The following INVS variants were observed in gnomAD, a reference collection of about 807,000 sequenced individuals.
INVS encodes inversin, also known as inversion of embryo turning homolog.
Under a neutral mutation model 108.8 loss-of-function variants are expected in INVS, and 86 were observed. That is an observed-to-expected ratio of 0.79 (90% CI 0.66 to 0.95). INVS has a LOEUF of 0.95. Ranked by LOEUF, INVS falls within the 40% of genes least tolerant of loss-of-function variation. The pLI, the probability that INVS is intolerant of heterozygous loss-of-function variation, is 0.00. For synonymous variants in INVS, 455 were observed against 473.5 expected, an observed-to-expected ratio of 0.96 and a Z score of 0.51; for missense variants, 1,169 against 1,297.4, an observed-to-expected ratio of 0.90 and a Z score of 1.52.
In INVS at chr9:100,284,623, C is replaced by A; in HGVS notation, c.2068+20C>A. On this transcript the variant is annotated intron_variant, in intron 13 of 16. Transcript: ENST00000262457. ...CAAATGGTAGGTGTATTGCCTTTGTCATCTTCTGCCGGCCCATGGACTGTG... is the reference window on the plus strand; with the variant it reads ...CAAATGGTAGGTGTATTGCCTTTGTAATCTTCTGCCGGCCCATGGACTGTG... 6.2e-7 allele frequency: 1 copy of A among 1,609,782 alleles called. No individual in the cohort carries two copies. Among genetic ancestry groups the A allele is most frequent in the South Asian group, 1.1e-5 (1 of 90,350 alleles).
chr9:100,268,390 AGTCTGG>A (rs923421932), intron 11 of INVS, among the ~76,000 whole-genome samples: 25 of 152,322 alleles, frequency 1.6e-4, no homozygotes, highest in Middle Eastern at 3.4e-3. Context: ...GACTCTCTCA[AGTCTGG>A]GTCTGTTTAG....
chr9:100,116,002 A>G (rs1346286600), intron 2 of INVS, among the ~76,000 whole-genome samples: 1 of 152,028 alleles, frequency 6.6e-6, no homozygotes, highest in Non-Finnish European at 1.5e-5. Context: ...CTGGTGTGAG[A>G]TGATATCTCA....
At chr9:100,114,156 T>G (rs192762247) in intron 2 of INVS, among the ~76,000 whole-genome samples, 1 of 152,192 alleles carries the variant, frequency 6.6e-6, no homozygotes, top group Admixed American at 6.5e-5. Flanking sequence ...TACAGTTATT[T>G]AATTTTGAGA....
Position 100,132,962 on chromosome 9 carries a change from G to A in INVS, c.273+6413G>A, listed in dbSNP as rs373263848. On this transcript the variant is annotated intron_variant, in intron 3 of 16. Coordinates refer to ENST00000262457, the MANE Select transcript of INVS (RefSeq NM_014425.5). ...TCTACTAAAAATACAAAACTTAGCT[G>A]GGCGTGATGGTGCGTGCCTATAATC... Among the ~76,000 whole-genome samples the A allele has an allele frequency of 1.0e-3, 154 of 152,078 alleles. 4 individuals are homozygous for A. In the South Asian group the frequency reaches 0.03, roughly 30 times the overall value.
intron 7 of INVS, 29 bp downstream of exon 7, chr9:100,242,708 T>G: frequency 7.8e-7 from 1 of 1,277,688 alleles, no homozygotes; most frequent in East Asian, 2.3e-5. Context: ...TGCTCTTTTT[T>G]CTTAGTGAAA....
chr9:100,284,489 G>C lies in INVS; in HGVS notation c.1954G>C (p.Gly652Arg). Residue 652 changes from glycine (G) to arginine (R), a missense_variant, in exon 13 of 17, where the codon GGC becomes CGC. Around this residue, in one of 3 missense-constraint regions of INVS, gnomAD observed 533 missense variants for 536.0 expected, o/e 0.99. Transcript: ENST00000262457. ...KQPPAGNVAQ[G>R]PEPRDSRGSP... ...GCCTCCTGCTGGCAACGTGGCCCAA[G>C]GCCCTGAGCCAAGAGACAGCAGAGG... The C allele has an allele frequency of 6.2e-7, 1 of 1,614,146 alleles. No homozygotes were observed. The highest frequency in any genetic ancestry group is 1.1e-5 in the South Asian group (1 of 91,082).
chr9:100,208,401 T>G (rs903504245), intron 3 of INVS, among the ~76,000 whole-genome samples: 4 of 152,138 alleles, frequency 2.6e-5, no homozygotes, highest in Admixed American at 2.0e-4. Context: ...TCATTAAAGG[T>G]TTTTTAGTAT....
At chr9:100,155,210 CAAAA>C (rs1238068161) in intron 3 of INVS, among the ~76,000 whole-genome samples, 1 of 82,230 alleles carries the variant, frequency 1.2e-5, no homozygotes. Flanking sequence ...GACTCCATCT[CAAAA>C]AAAAAAAAAA....
intron 3 of INVS, among the ~76,000 whole-genome samples, chr9:100,143,432 TG>T (rs1233744666): frequency 6.6e-6 from 1 of 151,934 alleles, no homozygotes; most frequent in Non-Finnish European, 1.5e-5. Context: ...TGCTGTGGGA[TG>T]GGATATTGAC....
chr9:100,138,738 G>A lies in INVS; in HGVS notation c.273+12189G>A, dbSNP rs916999371. Among the ~76,000 whole-genome samples, 8 of 122,290 alleles carry A rather than the reference G, an allele frequency of 6.5e-5. No homozygotes were observed. In the East Asian group the frequency reaches 8.1e-4, roughly 12 times the overall value. 80.2% of individuals were successfully genotyped at this position (122,290 alleles called of 152,430 possible). On this transcript the variant is annotated intron_variant, in intron 3 of 16. Coordinates refer to ENST00000262457, the MANE Select transcript of INVS (RefSeq NM_014425.5). ...TTTTTTCCTTTCAAGAGAGAGTCTC[G>A]CTCTGTCACCCAGGCTGGAGTGCAG...
At chr9:100,284,759 GTTCT>G (rs1395567479) in intron 13 of INVS, among the ~76,000 whole-genome samples, 156 bp downstream of exon 13, 1 of 152,106 alleles carries the variant, frequency 6.6e-6, no homozygotes, top group Non-Finnish European at 1.5e-5. Flanking sequence ...CTGGTTCTCA[GTTCT>G]TTTTCTTTTT....
intron 6 of INVS, among the ~76,000 whole-genome samples, chr9:100,242,231 A>T (rs1277380395): frequency 2.0e-5 from 3 of 152,144 alleles, no homozygotes; most frequent in Non-Finnish European, 2.9e-5. Context: ...CTTGGCTCTA[A>T]AGCACCTTCC....
In INVS at chr9:100,296,901, C is replaced by CCT. The variant is rs774618307; in HGVS notation, c.2787-13_2787-12dup. The CCT allele has an allele frequency of 5.0e-6, 8 of 1,608,282 alleles. No individual in the cohort carries two copies. Among genetic ancestry groups the CCT allele is most frequent in the Non-Finnish European group, 6.0e-6 (7 of 1,174,986 alleles). ...ACTGTGATCTTAAAGCCTCTCCTCT[C>CCT]CTCTGACCCAACCAGCTACCAGCTC... On this transcript the variant is annotated splice_polypyrimidine_tract_variant and intron_variant, in intron 14 of 16. Coordinates refer to ENST00000262457, the MANE Select transcript of INVS (RefSeq NM_014425.5).
chr9:100,163,456 C>G (rs764980073), intron 3 of INVS, among the ~76,000 whole-genome samples: 2 of 152,050 alleles, frequency 1.3e-5, no homozygotes, highest in Non-Finnish European at 2.9e-5. Flanking sequence ...AGGTACTGCT[C>G]TATATATGTG....
chr9:100,211,771 C>T (rs1379834242), intron 3 of INVS, among the ~76,000 whole-genome samples: 1 of 152,208 alleles, frequency 6.6e-6, no homozygotes, highest in Non-Finnish European at 1.5e-5. Context: ...TGTCTAGCTG[C>T]TCTGCCAGAT....
At chr9:100,104,009 C>G (rs1827094039) in intron 1 of INVS, among the ~76,000 whole-genome samples, 2 of 151,972 alleles carry the variant, frequency 1.3e-5, no homozygotes, top group South Asian at 4.2e-4. Context: ...CTTGTATTAA[C>G]TTAGATTATG....
chr9:100,154,449 T>C (rs1003444373), intron 3 of INVS, among the ~76,000 whole-genome samples: 5 of 148,980 alleles, frequency 3.4e-5, no homozygotes, highest in Non-Finnish European at 7.4e-5. Context: ...AGTGCTGGGA[T>C]TACAGGTGTG....
intron 3 of INVS, among the ~76,000 whole-genome samples, chr9:100,169,883 T>C (rs953206935): frequency 1.3e-5 from 2 of 152,204 alleles, no homozygotes; most frequent in Non-Finnish European, 2.9e-5. Context: ...GAACTAAATG[T>C]GTGTACAAAA....
chr9:100,104,462 T>G (rs1408411846), intron 1 of INVS, 36 bp from the exon 2 acceptor site: 1 of 1,139,762 alleles, frequency 8.8e-7, no homozygotes, highest in African/African-American at 1.5e-5. Context: ...CAGAAATGTT[T>G]GCTGCATGCG....
Sources: gnomAD v4.1 joint callset for allele counts (sites outside exome capture counted in the v4.1 genomes callset) on GRCh38, gnomAD v4.1.1 for gene constraint, gnomAD v4.1.1 regional missense constraint, MANE v1.5 for transcripts, NCBI Gene and HGNC (gene_info 2026-07-23, HGNC 2026-07-21) for gene names.